The following RYR1 variants were observed in gnomAD, a reference collection of about 807,000 sequenced individuals.
RYR1 encodes central core disease of muscle.
RYR1 carries 342 observed loss-of-function variants against 583.5 expected under a neutral mutation model. The observed-to-expected ratio is 0.59, with a 90% CI of 0.54 to 0.64. RYR1 has a LOEUF of 0.64. RYR1 is among the 30% of genes least tolerant of loss of function. RYR1 has a pLI of 0.00. For missense variants in RYR1, 6,032 were observed against 6,917.2 expected, an observed-to-expected ratio of 0.87 and a Z score of 4.54; for synonymous variants, 2,791 against 2,822.5, an observed-to-expected ratio of 0.99 and a Z score of 0.35.
intron 31 of RYR1, among the ~76,000 whole-genome samples, chr19:38,482,717 T>C (rs1259315112): frequency 1.3e-5 from 2 of 152,100 alleles, no homozygotes; most frequent in East Asian, 3.8e-4. Context: ...CCCAAAGTTC[T>C]AGGATTACAG....
intron 22 of RYR1, 24 bp downstream of exon 22, chr19:38,463,874 G>T (rs753877769): frequency 1.9e-6 from 3 of 1,584,954 alleles, no homozygotes; most frequent in Non-Finnish European, 2.6e-6. Context: ...GGAGCCGGGG[G>T]TTGGGGCTGG....
At chr19:38,470,621 T>C (rs1020558375) in intron 27 of RYR1, among the ~76,000 whole-genome samples, 1 of 151,922 alleles carries the variant, frequency 6.6e-6, no homozygotes, top group African/African-American at 2.4e-5. Context: ...CGGGTGCCTG[T>C]AGTCCCAGCT....
chr19:38,475,478 G>A (rs1968674512), intron 29 of RYR1, 28 bp downstream of exon 29: 1 of 1,612,256 alleles, frequency 6.2e-7, no homozygotes, highest in East Asian at 2.2e-5. Flanking sequence ...TCAATTTTGG[G>A]GTCCCCCCGC....
chr19:38,549,046 C>G (rs937599494), intron 89 of RYR1, among the ~76,000 whole-genome samples: 4 of 152,138 alleles, frequency 2.6e-5, no homozygotes, highest in Non-Finnish European at 5.9e-5. Context: ...TGTAGTGACA[C>G]TATTGACGCA....
chr19:38,522,040 G>A (rs776722956), intron 67 of RYR1, among the ~76,000 whole-genome samples: 8 of 152,046 alleles, frequency 5.3e-5, no homozygotes, highest in Non-Finnish European at 1.0e-4. Context: ...TTTTAGCCTA[G>A]AAGTTAGAAT....
At chr19:38,449,901 G>T (rs900710836) in intron 11 of RYR1, among the ~76,000 whole-genome samples, 1 of 152,154 alleles carries the variant, frequency 6.6e-6, no homozygotes, top group African/African-American at 2.4e-5. Flanking sequence ...TTGTTTGTTT[G>T]TTTTTTGTAG....
At chr19:38,506,235 G>C in intron 54 of RYR1, 68 bp from the exon 55 acceptor site, 1 of 1,525,758 alleles carries the variant, frequency 6.6e-7, no homozygotes, top group Non-Finnish European at 9.1e-7. Flanking sequence ...GTGGGGCCTG[G>C]GGAGGGGCTG....
Position 38,433,802 on chromosome 19 carries a change from C to G in RYR1, c.-28C>G, listed in dbSNP as rs1451579346. 1 of 1,595,208 alleles carries G rather than the reference C, an allele frequency of 6.3e-7. No individual in the cohort carries two copies. The highest frequency in any genetic ancestry group is 2.2e-5 in the East Asian group (1 of 44,576). On this transcript the variant is annotated 5_prime_UTR_variant, in exon 1 of 106. Transcript: ENST00000359596. ...GCCCCCTCCCTCTGTTCCCCGACCT[C>G]AGACCCTGGGCTTCCGACCTCGACA... is the stretch of plus-strand genomic sequence containing the variant.
chr19:38,522,685 T>C (rs2915945), intron 67 of RYR1, among the ~76,000 whole-genome samples: 43,091 of 151,020 alleles, frequency 0.29, 6,859 homozygotes, highest in African/African-American at 0.42. Context: ...CACAGTGGCT[T>C]ACACCTGTAA....
chr19:38,563,518 G>T (rs1006093575), intron 90 of RYR1, among the ~76,000 whole-genome samples: 4 of 152,230 alleles, frequency 2.6e-5, no homozygotes, highest in African/African-American at 7.2e-5. Context: ...GCCCGCCTCG[G>T]CCTCCCAAAG....
intron 25 of RYR1, 145 bp from the exon 26 acceptor site, chr19:38,468,821 G>A: frequency 2.5e-6 from 2 of 793,866 alleles, no homozygotes; most frequent in South Asian, 1.5e-5. Context: ...TGGAGACACT[G>A]TGGGGTGACC....
chr19:38,523,032 C>T lies in RYR1; in HGVS notation c.10264C>T (p.Gln3422Ter). The T allele has an allele frequency of 4.4e-6, 7 of 1,595,784 alleles. No individual in the cohort carries two copies. Among genetic ancestry groups the T allele is most frequent in the Non-Finnish European group, 6.0e-6 (7 of 1,172,550 alleles). Residue 3422 changes from glutamine to a stop codon, truncating the protein, a stop_gained, in exon 68 of 106, where the codon CAG becomes TAG. Transcript: ENST00000359596. LOFTEE classifies it high-confidence loss of function. The stretch of plus-strand genomic sequence containing the variant: ...CCTCCCCTCCGCTGACCCCAGGGCG[C>T]AGTGGCTGACGGAGCCGAATCCCAG... ...LIRYVDNNRAQWLTEPNPSAE... is the reference protein window; with the variant it reads ...LIRYVDNNRA
intron 30 of RYR1, 63 bp from the exon 31 acceptor site, chr19:38,478,372 G>C (rs1968847774): frequency 1.1e-5 from 18 of 1,578,136 alleles, no homozygotes; most frequent in Admixed American, 1.7e-5. Context: ...CTTGGGGAAG[G>C]GGGTGTCCAG....
intron 93 of RYR1, among the ~76,000 whole-genome samples, chr19:38,570,312 C>T (rs549609424): frequency 1.2e-3 from 185 of 151,804 alleles, no homozygotes; most frequent in African/African-American, 4.2e-3. Flanking sequence ...ATTAGCTGGG[C>T]GTGGTGGCAC....
At chr19:38,519,771 C>T (rs1010593912) in intron 67 of RYR1, among the ~76,000 whole-genome samples, 7 of 151,834 alleles carry the variant, frequency 4.6e-5, no homozygotes, top group East Asian at 2.0e-4. Context: ...CTCCACCTCC[C>T]GGGTTCAAGT....
Position 38,464,660 on chromosome 19 carries a change from C to T in RYR1, c.2808C>T (p.Cys936=), listed in dbSNP as rs1410024294. ...ETLKTLLALG[C]HVGMADEKAE... is the part of the protein sequence containing the mutation. Reference sequence around the variant, plus strand: ...CCAGGACTCTGCTGGCTCTGGGCTGCCACGTGGGCATGGCGGATGAGAAGG... The same window carrying T: ...CCAGGACTCTGCTGGCTCTGGGCTGTCACGTGGGCATGGCGGATGAGAAGG... Residue 936 remains cysteine, a synonymous_variant, in exon 23 of 106, where the codon TGC becomes TGT. Coordinates refer to ENST00000359596, the MANE Select transcript of RYR1 (RefSeq NM_000540.3). The T allele has an allele frequency of 5.7e-6, 9 of 1,591,158 alleles. No homozygotes were observed. In the South Asian group the frequency reaches 1.0e-4, roughly 18 times the overall value.
At chr19:38,497,611 T>C (rs998566518) in intron 42 of RYR1, among the ~76,000 whole-genome samples, 3 of 152,248 alleles carry the variant, frequency 2.0e-5, no homozygotes, top group African/African-American at 7.2e-5. Flanking sequence ...TAGCTGCTGT[T>C]ATATTATCAT....
chr19:38,517,268 C>A, intron 65 of RYR1, 91 bp from the exon 66 acceptor site: 1 of 1,329,422 alleles, frequency 7.5e-7, no homozygotes, highest in Admixed American at 1.9e-5. Context: ...GGTGGCAATT[C>A]AATGGTGTCT....
chr19:38,462,707 T>C (rs1432005502), intron 20 of RYR1, among the ~76,000 whole-genome samples: 1 of 152,080 alleles, frequency 6.6e-6, no homozygotes, highest in Non-Finnish European at 1.5e-5. Context: ...GGAAGGAGAC[T>C]CCTCCATTCT....
Sources: gnomAD v4.1 joint callset for allele counts (sites outside exome capture counted in the v4.1 genomes callset) on GRCh38, gnomAD v4.1.1 for gene constraint, MANE v1.5 for transcripts, NCBI Gene and HGNC (gene_info 2026-07-23, HGNC 2026-07-21) for gene names.